TOX: variants seen among roughly 807,000 people sequenced by gnomAD.
TOX encodes the protein thymocyte selection associated high mobility group box.
TOX carries 11 observed loss-of-function variants against 53.7 expected under a neutral mutation model. That is an observed-to-expected ratio of 0.20 (90% confidence interval 0.13 to 0.34). The LOEUF is 0.34. TOX is among the 10% of genes least tolerant of loss of function. TOX has a pLI of 1.00. For synonymous variants in TOX, 225 were observed against 245.3 expected (o/e 0.92, Z 0.77); for missense variants, 570 against 664.6 (o/e 0.86, Z 1.56).
chr8:59,062,594 C>G (rs568988092), intron 1 of TOX, among the ~76,000 whole-genome samples: 1 of 152,266 alleles, frequency 6.6e-6, no homozygotes, highest in South Asian at 2.1e-4. Context: ...CTGTTCTAAG[C>G]AGACAGCTTA....
In TOX at chr8:59,102,462, A is replaced by G. The variant is rs536280747; in HGVS notation, c.102+16424T>C. Among the ~76,000 whole-genome samples the G allele has an allele frequency of 1.7e-3, 258 of 152,268 alleles. 2 individuals carry two copies. Among genetic ancestry groups the G allele is most frequent in the Non-Finnish European group, 2.7e-3 (182 of 68,018 alleles). The stretch of plus-strand genomic sequence containing the variant: ...AGGCTGATCTCAAGCTCCTGACCTC[A>G]GGTGATCCACCTTCCTCGGCCTCCC... On this transcript the variant is annotated intron_variant, in intron 1 of 8. Transcript: ENST00000361421.
rs77302363 is a variant in TOX, at chr8:58,877,014, A to T, written c.412-25209T>A. On this transcript the variant is annotated intron_variant, in intron 3 of 8. Transcript: ENST00000361421. ...CTTTGAAGTGAACTAAAGTGAAATG[A>T]TGTAGAATTAAAAGCATCACAAAGG... 7.4e-4 allele frequency among the ~76,000 whole-genome samples: 112 copies of T among 152,336 alleles called. No homozygotes were observed. The East Asian group carries it at 0.02, about 27-fold the overall frequency.
intron 6 of TOX, among the ~76,000 whole-genome samples, chr8:58,816,836 GC>G (rs987018053): frequency 6.6e-6 from 1 of 152,130 alleles, no homozygotes; most frequent in Non-Finnish European, 1.5e-5. Flanking sequence ...CCACTGACAG[GC>G]CCTTAGAGAA....
chr8:58,977,542 T>C (rs1813123980), intron 1 of TOX, among the ~76,000 whole-genome samples: 1 of 152,254 alleles, frequency 6.6e-6, no homozygotes, highest in South Asian at 2.1e-4. Flanking sequence ...CCTGGCTGTT[T>C]GGCACAAAAG....
At position 58,805,734 on chromosome 8, in the gene TOX, A is replaced by C. The variant is rs1361385271; in HGVS notation, c.*2013T>G. 3 of 152,688 alleles carry C rather than the reference A, an allele frequency of 2.0e-5. No homozygotes were observed. Among genetic ancestry groups the C allele is most frequent in the Non-Finnish European group, 2.9e-5 (2 of 68,040 alleles). 9.5% of individuals were successfully genotyped at this position (152,688 alleles called of 1,614,324 possible). A position where few individuals can be genotyped will look rare whatever the true frequency, so the allele number is the denominator to read the frequency against. ...CTAAAATACTAAACAGACAAACAATAAACTGTGAACTTAATCACATGAGTT... is the reference window on the plus strand; with the variant it reads ...CTAAAATACTAAACAGACAAACAATCAACTGTGAACTTAATCACATGAGTT... On this transcript the variant is annotated 3_prime_UTR_variant, in exon 9 of 9. Transcript: ENST00000361421.
chr8:58,956,644 C>G (rs1477787707), intron 2 of TOX, among the ~76,000 whole-genome samples: 1 of 152,106 alleles, frequency 6.6e-6, no homozygotes, highest in African/African-American at 2.4e-5. Flanking sequence ...CTCTGTTGCC[C>G]AGGCTAAAGT....
intron 1 of TOX, among the ~76,000 whole-genome samples, chr8:58,998,501 A>G (rs1264503442): frequency 1.7e-4 from 13 of 75,830 alleles, no homozygotes; most frequent in African/African-American, 8.3e-4. Context: ...AAGTATATAT[A>G]TATATATATA....
At chr8:59,017,289 C>G (rs1814032901) in intron 1 of TOX, among the ~76,000 whole-genome samples, 2 of 151,938 alleles carry the variant, frequency 1.3e-5, no homozygotes, top group Admixed American at 1.3e-4. Flanking sequence ...TTGGAGAGAC[C>G]CTGTCTATGT....
intron 3 of TOX, among the ~76,000 whole-genome samples, chr8:58,915,081 C>A (rs1304806967): frequency 6.7e-6 from 1 of 148,758 alleles, no homozygotes; most frequent in African/African-American, 2.5e-5. Flanking sequence ...ATTGCTAGCA[C>A]AGCAGTCTGA....
chr8:59,107,341 T>A (rs888570560), intron 1 of TOX, among the ~76,000 whole-genome samples: 3 of 152,096 alleles, frequency 2.0e-5, no homozygotes, highest in Admixed American at 2.0e-4. Flanking sequence ...GAACATCTAA[T>A]CAAAGACTGT....
chr8:58,956,529 G>T (rs1392303795), intron 2 of TOX, among the ~76,000 whole-genome samples: 2 of 152,150 alleles, frequency 1.3e-5, no homozygotes, highest in Non-Finnish European at 2.9e-5. Flanking sequence ...CCGTCATCTT[G>T]CAGTTACCTA....
At chr8:59,058,957 T>C (rs1160821044) in intron 1 of TOX, among the ~76,000 whole-genome samples, 4 of 152,378 alleles carry the variant, frequency 2.6e-5, no homozygotes, top group African/African-American at 9.6e-5. Context: ...CACACCCTGA[T>C]GGCCAACTTC....
chr8:58,856,619 G>A (rs1273593789), intron 3 of TOX, among the ~76,000 whole-genome samples: 1 of 152,122 alleles, frequency 6.6e-6, no homozygotes, highest in African/African-American at 2.4e-5. Flanking sequence ...GGCCCCTCTA[G>A]CTGGCTCAAG....
At chr8:59,115,307 T>C (rs534750892) in intron 1 of TOX, among the ~76,000 whole-genome samples, 17 of 152,274 alleles carry the variant, frequency 1.1e-4, no homozygotes, top group African/African-American at 3.6e-4. Flanking sequence ...ACACATCACA[T>C]CGTTGTAAAA....
chr8:58,956,598 A>G (rs1812711780), intron 2 of TOX, among the ~76,000 whole-genome samples: 2 of 152,136 alleles, frequency 1.3e-5, no homozygotes, highest in South Asian at 4.1e-4. Context: ...CATCCCAAAT[A>G]CTATATTATT....
At chr8:58,967,502 C>T (rs1332200148) in intron 1 of TOX, among the ~76,000 whole-genome samples, 1 of 152,098 alleles carries the variant, frequency 6.6e-6, no homozygotes, top group African/African-American at 2.4e-5. Context: ...CCTCCAGAGG[C>T]ACCACTTCCA....
chr8:58,982,925 G>A (rs1013256872), intron 1 of TOX, among the ~76,000 whole-genome samples: 9 of 152,230 alleles, frequency 5.9e-5, no homozygotes, highest in Non-Finnish European at 1.3e-4. Context: ...TGCATGCCCT[G>A]TGACATCACC....
intron 3 of TOX, among the ~76,000 whole-genome samples, chr8:58,889,196 G>A (rs1249085917): frequency 7.7e-6 from 1 of 129,522 alleles, no homozygotes; most frequent in Non-Finnish European, 1.6e-5. Context: ...CTTCATTGCA[G>A]CATTGTTTAC....
intron 3 of TOX, among the ~76,000 whole-genome samples, chr8:58,869,770 G>A (rs909054543): frequency 1.4e-4 from 21 of 151,706 alleles, no homozygotes; most frequent in African/African-American, 3.6e-4. Flanking sequence ...ACAACACATC[G>A]ACAGTCCAAT....
Sources: gnomAD v4.1 joint callset for allele counts (sites outside exome capture counted in the v4.1 genomes callset) on GRCh38, gnomAD v4.1.1 for gene constraint, MANE v1.5 for transcripts, NCBI Gene and HGNC (gene_info 2026-07-23, HGNC 2026-07-21) for gene names.